The following FHIP1A variants were observed in gnomAD, a reference collection of about 807,000 sequenced individuals.
FHIP1A encodes FHF complex subunit HOOK interacting protein 1A, also known as FHF complex subunit HOOK-interacting protein 1A.
A neutral mutation model predicts 88.6 loss-of-function variants in FHIP1A; 61 were observed. The observed-to-expected ratio is 0.69, with a 90% CI of 0.56 to 0.85. FHIP1A has a LOEUF of 0.85. Ranked by LOEUF, FHIP1A falls within the 40% of genes least tolerant of loss-of-function variation. The probability of loss-of-function intolerance (pLI) is 0.00; values close to 1 mark genes in which losing one functional copy is unlikely to be tolerated. For synonymous variants in FHIP1A, 478 were observed against 496.0 expected (o/e 0.96, Z 0.48); for missense variants, 1,154 against 1,273.5 (o/e 0.91, Z 1.43).
At chr4:151,655,658 C>T (rs897204956) in intron 11 of FHIP1A, among the ~76,000 whole-genome samples, 15 of 152,082 alleles carry the variant, frequency 9.9e-5, no homozygotes, top group African/African-American at 3.6e-4. Context: ...TTCCACATTA[C>T]GACACTTGAC....
chr4:151,448,341 T>C (rs1198303415), intron 1 of FHIP1A, among the ~76,000 whole-genome samples: 4 of 152,192 alleles, frequency 2.6e-5, no homozygotes, highest in Non-Finnish European at 4.4e-5. Flanking sequence ...TTAACAGTTT[T>C]TAAGCATACA....
At position 151,586,267 on chromosome 4, in the gene FHIP1A, A is replaced by T. The variant is rs188670296; in HGVS notation, c.733-374A>T. Among the ~76,000 whole-genome samples, 11 of 152,136 alleles carry T rather than the reference A, an allele frequency of 7.2e-5. No individual in the cohort carries two copies. In the East Asian group the frequency reaches 7.8e-4, roughly 11 times the overall value. On this transcript the variant is annotated intron_variant, in intron 5 of 13. Transcript: ENST00000435205. ...TGCACTTGATGTATTGTACTATAGGATACTGTTTATGAATTTGTTCCTCTC... is the reference window on the plus strand; with the variant it reads ...TGCACTTGATGTATTGTACTATAGGTTACTGTTTATGAATTTGTTCCTCTC...
chr4:151,656,813 C>A lies in FHIP1A; in HGVS notation c.2784C>A (p.Asp928Glu), dbSNP rs1482610530. The A allele has an allele frequency of 1.9e-6, 3 of 1,551,660 alleles. No individual in the cohort carries two copies. The Admixed American group carries it at 5.9e-5, about 30-fold the overall frequency. ...AACAGTTTGCTTCTGTGGAGAGAGACTTCCCAGGGCTCCTCATTCAAGCTC... is the reference window on the plus strand; with the variant it reads ...AACAGTTTGCTTCTGTGGAGAGAGAATTCCCAGGGCTCCTCATTCAAGCTC... Reference protein sequence around the residue: ...KIEQFASVERDFPGLLIQAQQ... With the variant: ...KIEQFASVEREFPGLLIQAQQ... The change falls in exon 13 of 14, where the codon GAC (aspartate) becomes GAA (glutamate). Residue 928 changes from aspartate (D) to glutamate (E), a missense_variant. Coordinates refer to ENST00000435205, the MANE Select transcript of FHIP1A (RefSeq NM_001109977.3). This position sits in a 1 kb window ranked among gnomAD's most constrained non-coding sequence, Gnocchi z 4.2.
intron 1 of FHIP1A, among the ~76,000 whole-genome samples, chr4:151,436,026 A>G (rs144020018): frequency 0.016 from 2,386 of 152,282 alleles, 109 homozygotes; most frequent in Admixed American, 0.06. Flanking sequence ...GTTAAATGAC[A>G]CATTGATGTT....
chr4:151,665,991 G>T lies in FHIP1A; in HGVS notation c.*3237G>T, dbSNP rs571077900. Among the ~76,000 whole-genome samples the T allele has an allele frequency of 2.8e-4, 42 of 152,338 alleles. No homozygotes were observed. The highest frequency in any genetic ancestry group is 9.9e-4 in the African/African-American group (41 of 41,584). On this transcript the variant is annotated 3_prime_UTR_variant, in exon 14 of 14. Transcript: ENST00000435205. ...CACTGCGTCTGGCCTGGGCAGGAAA[G>T]GTGAGGGAGCCAAGGGTTCCTGGAG...
intron 7 of FHIP1A, among the ~76,000 whole-genome samples, chr4:151,590,647 G>A (rs1265733905): frequency 1.3e-5 from 2 of 152,192 alleles, no homozygotes; most frequent in Non-Finnish European, 2.9e-5. Context: ...TTAGGAGGCT[G>A]AAGAAACAAC....
chr4:151,483,809 A>T (rs1256918170), intron 3 of FHIP1A, among the ~76,000 whole-genome samples: 1 of 152,142 alleles, frequency 6.6e-6, no homozygotes, highest in Non-Finnish European at 1.5e-5. Context: ...AGTTTAAGAT[A>T]CGGAACAGAA....
At chr4:151,409,758 T>A (rs1423450215) in intron 1 of FHIP1A, among the ~76,000 whole-genome samples, 2 of 152,180 alleles carry the variant, frequency 1.3e-5, no homozygotes, top group South Asian at 4.2e-4. Context: ...CAGCTTGTTT[T>A]GACGAAGGAA....
At chr4:151,516,267 G>A (rs1321126059) in intron 3 of FHIP1A, among the ~76,000 whole-genome samples, 1 of 151,894 alleles carries the variant, frequency 6.6e-6, no homozygotes, top group East Asian at 1.9e-4. Context: ...GCTGAAACTG[G>A]ATCCCTTCCT....
intron 4 of FHIP1A, among the ~76,000 whole-genome samples, chr4:151,569,609 A>G (rs1362229166): frequency 6.6e-6 from 1 of 152,134 alleles, no homozygotes; most frequent in Admixed American, 6.5e-5. Context: ...CAAGTTCTGT[A>G]TGTTAGGAGA....
intron 5 of FHIP1A, among the ~76,000 whole-genome samples, chr4:151,579,515 TAAAGG>T (rs762062203): frequency 6.6e-6 from 1 of 152,210 alleles, no homozygotes; most frequent in Non-Finnish European, 1.5e-5. Context: ...ATTCTGCTGT[TAAAGG>T]AGAGCAGGTA....
At chr4:151,448,947 T>A (rs1032453123) in intron 1 of FHIP1A, among the ~76,000 whole-genome samples, 2 of 152,220 alleles carry the variant, frequency 1.3e-5, no homozygotes, top group Non-Finnish European at 2.9e-5. Context: ...TTCCAGTTTC[T>A]TGGTTTTTTA....
chr4:151,555,149 T>C (rs1732898682), intron 3 of FHIP1A, among the ~76,000 whole-genome samples: 1 of 152,200 alleles, frequency 6.6e-6, no homozygotes. Context: ...TTTGATCTTC[T>C]ACTGGTGTAG....
chr4:151,458,306 G>T (rs1729034979), intron 2 of FHIP1A, among the ~76,000 whole-genome samples: 1 of 152,156 alleles, frequency 6.6e-6, no homozygotes, highest in South Asian at 2.1e-4. Flanking sequence ...GCACCAACCA[G>T]TTTTGTGGCC....
At chr4:151,541,318 G>A (rs1352233094) in intron 3 of FHIP1A, among the ~76,000 whole-genome samples, 1 of 152,206 alleles carries the variant, frequency 6.6e-6, no homozygotes, top group Non-Finnish European at 1.5e-5. Context: ...ATTAAGTTGA[G>A]AGTGGGAATG....
rs1322043691 is a variant in FHIP1A at position 151,656,319 on chromosome 4, C to A, written c.2639C>A (p.Thr880Asn). The A allele has an allele frequency of 6.4e-7, 1 of 1,551,528 alleles. No individual in the cohort carries two copies. The highest frequency in any genetic ancestry group is 8.7e-7 in the Non-Finnish European group (1 of 1,146,952). ...AATTTGCTGCTTATCGGGATCATTACTCAGCTAGCCAGCTACCCCCAGCCA... is the reference window on the plus strand; with the variant it reads ...AATTTGCTGCTTATCGGGATCATTAATCAGCTAGCCAGCTACCCCCAGCCA... Reference protein sequence around the residue: ...HVNLLLIGIITQLASYPQPLL... With the variant: ...HVNLLLIGIINQLASYPQPLL... Residue 880 changes from threonine to asparagine, a missense_variant, in exon 12 of 14, where the codon ACT (threonine) becomes AAT (asparagine). Thr to Asn is a moderately conservative substitution (Grantham distance 65, BLOSUM62 0). Transcript: ENST00000435205. The surrounding 1 kb of genome is among the most constrained non-coding windows in gnomAD (Gnocchi z 4.2).
intron 3 of FHIP1A, among the ~76,000 whole-genome samples, chr4:151,521,523 G>A (rs1731442915): frequency 6.6e-6 from 1 of 152,130 alleles, no homozygotes; most frequent in South Asian, 2.1e-4. Context: ...GCTGTAGCTT[G>A]TAGGAAGCTA....
At chr4:151,614,333 G>A (rs987722172) in intron 7 of FHIP1A, among the ~76,000 whole-genome samples, 1 of 152,008 alleles carries the variant, frequency 6.6e-6, no homozygotes, top group African/African-American at 2.4e-5. Flanking sequence ...CCCAGGTGTG[G>A]TGGCATGCAC....
At chr4:151,539,236 T>C (rs1230363359) in intron 3 of FHIP1A, among the ~76,000 whole-genome samples, 1 of 152,210 alleles carries the variant, frequency 6.6e-6, no homozygotes, top group East Asian at 1.9e-4. Context: ...TTAAAGTTAC[T>C]GTTTTAAGTT....
Sources: allele counts gnomAD v4.1 joint callset (sites outside exome capture counted in the v4.1 genomes callset), GRCh38; gene constraint gnomAD v4.1.1; non-coding constraint Gnocchi (gnomAD v3.1); transcripts MANE v1.5; gene names NCBI Gene and HGNC (gene_info 2026-07-23, HGNC 2026-07-21).